Variants in ADAMTS17 observed in about 807,000 individuals in gnomAD.
The protein encoded by ADAMTS17 is A disintegrin and metalloproteinase with thrombospondin motifs 17.
In ADAMTS17, 113 loss-of-function variants were observed where a neutral mutation model predicts 141.5. The ratio of observed to expected loss-of-function variants is 0.80; its 90% CI spans 0.69 to 0.93. The LOEUF (loss-of-function observed/expected upper bound fraction) is 0.93. ADAMTS17 is among the 40% of genes least tolerant of loss of function. ADAMTS17 has a pLI of 0.00. For missense variants in ADAMTS17, 1,659 were observed against 1,517.9 expected, an observed-to-expected ratio of 1.09 and a Z score of -1.54; for synonymous variants, 768 against 630.6, an observed-to-expected ratio of 1.22 and a Z score of -3.27.
At chr15:100,118,002 C>T (rs1552099) in intron 12 of ADAMTS17, among the ~76,000 whole-genome samples, 101,192 of 152,116 alleles carry the variant, frequency 0.67, 34,674 homozygotes, top group East Asian at 0.82. Context: ...TTGCCATTTT[C>T]CATGTTCAGA....
rs543742325 is a variant in ADAMTS17, at chr15:100,141,338, T to C, written c.1474-8023A>G. On this transcript the variant is annotated intron_variant, in intron 10 of 21. Coordinates refer to ENST00000268070, the MANE Select transcript of ADAMTS17 (RefSeq NM_139057.4). Reference sequence around the variant, plus strand: ...GTGTCCCTGTCAAGGACTGTGAAGGTCATGTTGCTGTTCTCTTGCCTCATC... The same window carrying C: ...GTGTCCCTGTCAAGGACTGTGAAGGCCATGTTGCTGTTCTCTTGCCTCATC... 1.2e-4 allele frequency among the ~76,000 whole-genome samples: 19 copies of C among 152,226 alleles called. 1 individual carries two copies. The East Asian group carries it at 3.5e-3, about 28-fold the overall frequency.
In ADAMTS17 at chr15:100,090,163, G is replaced by A. The variant is rs531617557; in HGVS notation, c.2137+6193C>T. On this transcript the variant is annotated intron_variant, in intron 15 of 21. Transcript: ENST00000268070. Reference sequence around the variant, plus strand: ...TCTTAGAGAAATCCATTCCTTCTGGGGAGTTTCAACTGTGATTGGATTCCA... The same window carrying A: ...TCTTAGAGAAATCCATTCCTTCTGGAGAGTTTCAACTGTGATTGGATTCCA... Among the ~76,000 whole-genome samples the A allele has an allele frequency of 9.2e-5, 14 of 152,192 alleles. No individual in the cohort carries two copies. The East Asian group carries it at 2.5e-3, about 27-fold the overall frequency.
Position 100,248,412 on chromosome 15 carries a change from G to A in ADAMTS17, c.1075+5724C>T, listed in dbSNP as rs148291830. Among the ~76,000 whole-genome samples, 217 of 152,276 alleles carry A rather than the reference G, an allele frequency of 1.4e-3. 1 individual carries two copies. The highest frequency in any genetic ancestry group is 4.4e-3 in the African/African-American group (184 of 41,550). On this transcript the variant is annotated intron_variant, in intron 7 of 21. Transcript: ENST00000268070. ...CGGCTGCTGTCTTCAGCCACTGCCA[G>A]AGAGAGGCCCAGAGGGTATGCATCT...
At chr15:100,044,514 G>GCA in intron 18 of ADAMTS17, among the ~76,000 whole-genome samples, 1 of 152,158 alleles carries the variant, frequency 6.6e-6, no homozygotes, top group African/African-American at 2.4e-5. Flanking sequence ...TGTTTTTGTA[G>GCA]AGTATATCTT....
chr15:100,033,220 T>G (rs558929392), intron 18 of ADAMTS17, among the ~76,000 whole-genome samples: 2 of 152,280 alleles, frequency 1.3e-5, no homozygotes, highest in East Asian at 3.9e-4. Flanking sequence ...GGACTGAAGA[T>G]TCTGTTGGTA....
chr15:99,991,535 G>C (rs1234216518), intron 20 of ADAMTS17, among the ~76,000 whole-genome samples: 1 of 152,206 alleles, frequency 6.6e-6, no homozygotes, highest in Admixed American at 6.5e-5. Context: ...ATGCTGGAGA[G>C]GATGTGGAAA....
At chr15:100,174,258 GACAGAGGAGGGCAA>G (rs2040258936) in intron 8 of ADAMTS17, among the ~76,000 whole-genome samples, 1 of 150,332 alleles carries the variant, frequency 6.7e-6, no homozygotes, top group African/African-American at 2.5e-5. Flanking sequence ...TTTTGGGTGA[GACAGAGGAGGGCAA>G]TAGTGTTGGC....
intron 3 of ADAMTS17, among the ~76,000 whole-genome samples, chr15:100,295,732 C>G (rs964280381): frequency 1.3e-5 from 2 of 152,206 alleles, no homozygotes; most frequent in Non-Finnish European, 2.9e-5. Flanking sequence ...AACCAATTCC[C>G]TGTGTTAAAT....
intron 3 of ADAMTS17, among the ~76,000 whole-genome samples, chr15:100,303,144 A>C (rs1260568463): frequency 6.8e-6 from 1 of 146,376 alleles, no homozygotes; most frequent in East Asian, 1.9e-4. Flanking sequence ...TTATATTTAT[A>C]TATAAACTAT....
intron 2 of ADAMTS17, among the ~76,000 whole-genome samples, chr15:100,338,608 T>C (rs939585302): frequency 1.4e-5 from 2 of 141,834 alleles, no homozygotes; most frequent in African/African-American, 5.3e-5. Context: ...TATTTTCTGG[T>C]CCTTAAGAGA....
chr15:100,034,717 G>A (rs2030534611), intron 18 of ADAMTS17, among the ~76,000 whole-genome samples: 1 of 152,126 alleles, frequency 6.6e-6, no homozygotes, highest in Non-Finnish European at 1.5e-5. Flanking sequence ...ACTGGAGAAA[G>A]GGCCACTGGT....
intron 20 of ADAMTS17, 66 bp from the exon 21 acceptor site, chr15:99,976,288 A>C (rs2141263298): frequency 1.3e-6 from 2 of 1,520,638 alleles, no homozygotes; most frequent in South Asian, 1.2e-5. Flanking sequence ...ATGGCCTCAC[A>C]ATGTGGCACT....
At chr15:100,253,338 TGAAGGGGAAGGTGAG>T (rs2043211542) in intron 7 of ADAMTS17, among the ~76,000 whole-genome samples, 1 of 113,240 alleles carries the variant, frequency 8.8e-6, no homozygotes, top group Non-Finnish European at 1.8e-5. Context: ...AAATGGCAGG[TGAAGGGGAAGGTGAG>T]GGAGGGGAAG....
At chr15:100,130,534 C>T (rs58428805) in intron 12 of ADAMTS17, among the ~76,000 whole-genome samples, 4,551 of 152,198 alleles carry the variant, frequency 0.03, 227 homozygotes, top group African/African-American at 0.1. Flanking sequence ...AGGAGCATAA[C>T]CCTTCCTTTA....
At chr15:100,160,431 C>G (rs1035089916) in intron 8 of ADAMTS17, among the ~76,000 whole-genome samples, 2 of 152,168 alleles carry the variant, frequency 1.3e-5, no homozygotes, top group African/African-American at 4.8e-5. Flanking sequence ...GAGACTCAAG[C>G]CCTGGGAGGA....
chr15:100,119,857 T>G (rs574589039), intron 12 of ADAMTS17, among the ~76,000 whole-genome samples: 1 of 152,336 alleles, frequency 6.6e-6, no homozygotes, highest in African/African-American at 2.4e-5. Context: ...CTGTCCATCT[T>G]TGAGGCCACC....
intron 10 of ADAMTS17, among the ~76,000 whole-genome samples, chr15:100,145,951 T>A (rs1246862881): frequency 6.6e-6 from 1 of 152,184 alleles, no homozygotes; most frequent in Non-Finnish European, 1.5e-5. Flanking sequence ...GGCAGGGGGA[T>A]CACTTGAGGT....
intron 20 of ADAMTS17, among the ~76,000 whole-genome samples, chr15:99,991,057 C>T (rs1211044987): frequency 2.0e-5 from 3 of 152,172 alleles, no homozygotes; most frequent in Non-Finnish European, 4.4e-5. Context: ...AGACCTAAAA[C>T]CATGAAAACC....
chr15:100,137,584 C>T (rs1396754050), intron 10 of ADAMTS17, among the ~76,000 whole-genome samples: 3 of 152,140 alleles, frequency 2.0e-5, no homozygotes, highest in Non-Finnish European at 4.4e-5. Flanking sequence ...GACTTTGTGG[C>T]AGACAGGGCT....
Sources: allele counts gnomAD v4.1 joint callset (sites outside exome capture counted in the v4.1 genomes callset), GRCh38; gene constraint gnomAD v4.1.1; transcripts MANE v1.5; gene names NCBI Gene and HGNC (gene_info 2026-07-23, HGNC 2026-07-21).